The following ABCF3 variants were observed in gnomAD, a reference collection of about 807,000 sequenced individuals.
ABCF3 encodes ATP binding cassette subfamily F member 3.
Under a neutral mutation model 94.3 loss-of-function variants are expected in ABCF3, and 62 were observed. That is an observed-to-expected ratio of 0.66 (90% CI 0.54 to 0.81). ABCF3 has a LOEUF of 0.81. Ranked by LOEUF, ABCF3 falls within the 40% of genes least tolerant of loss-of-function variation. The pLI is 0.00. For missense variants in ABCF3, 843 were observed against 925.3 expected, an observed-to-expected ratio of 0.91 and a Z score of 1.15; for synonymous variants, 355 against 361.1, an observed-to-expected ratio of 0.98 and a Z score of 0.19.
Position 184,188,822 on chromosome 3 carries a change from G to T in ABCF3, c.898G>T (p.Ala300Ser). The change falls in exon 8 of 21, where the codon GCT (alanine) becomes TCT (serine). Residue 300 changes from alanine (A) to serine (S), a missense_variant. Ala to Ser is a moderately conservative substitution (Grantham distance 99, BLOSUM62 1). Transcript: ENST00000429586. The stretch of plus-strand genomic sequence containing the variant: ...CTATGCCAAACTGGAGGAGATTGAG[G>T]CTGACAAGGCACCTGCCAGGTATTT... ...EIYAKLEEIE[A>S]DKAPARASVI... 1.9e-6 allele frequency: 3 copies of T among 1,613,922 alleles called. No homozygotes were observed. Among genetic ancestry groups the T allele is most frequent in the Non-Finnish European group, 1.7e-6 (2 of 1,179,902 alleles).
At chr3:184,190,311 A>C in intron 14 of ABCF3, 1 of 249,304 alleles carries the variant, frequency 4.0e-6, no homozygotes, top group Non-Finnish European at 7.8e-6. Flanking sequence ...TGTTGTGTGG[A>C]TATACAGCAT....
chr3:184,188,697 A>G, intron 7 of ABCF3, 64 bp from the exon 8 acceptor site: 1 of 1,523,032 alleles, frequency 6.6e-7, no homozygotes, highest in Non-Finnish European at 9.1e-7. Context: ...CCAACGGTAT[A>G]GGGTGCAGGA....
intron 14 of ABCF3, 194 bp from the exon 15 acceptor site, chr3:184,190,805 C>T (rs1715970263): frequency 1.6e-6 from 1 of 629,368 alleles, no homozygotes; most frequent in Admixed American, 3.1e-5. Context: ...AATATAGTAA[C>T]TGGGGATAAA....
Position 184,186,219 on chromosome 3 carries a change from C to T in ABCF3, c.12C>T (p.Cys4=), listed in dbSNP as rs1715603537. The part of the protein sequence containing the change: MAT[C]AEILRSEFPE... The stretch of plus-strand genomic sequence containing the variant: ...TTCCTGAGTGGAACATGGCGACTTG[C>T]GCCGAAATCCTGCGGAGCGAGTTCC... Residue 4 remains cysteine (C), a synonymous_variant, in exon 1 of 21, where the codon TGC becomes TGT. Transcript: ENST00000429586. 1 of 1,614,202 alleles carries T rather than the reference C, an allele frequency of 6.2e-7. No individual in the cohort carries two copies. The highest frequency in any genetic ancestry group is 8.5e-7 in the Non-Finnish European group (1 of 1,180,050).
At position 184,187,960 on chromosome 3, in the gene ABCF3, C is replaced by A. The variant is rs550666332; in HGVS notation, c.546C>A (p.Asn182Lys). ...KNKSYDVRIE[N>K]FDVSFGDRVL... ...AATCCTATGATGTGCGAATTGAGAACTTTGATGTGTCTTTTGGCGATAGGT... is the reference window on the plus strand; with the variant it reads ...AATCCTATGATGTGCGAATTGAGAAATTTGATGTGTCTTTTGGCGATAGGT... Residue 182 changes from asparagine (N) to lysine (K), a missense_variant, in exon 6 of 21, where the codon AAC becomes AAA. Transcript: ENST00000429586. 2 of 1,613,994 alleles carry A rather than the reference C, an allele frequency of 1.2e-6. No individual in the cohort carries two copies. Among genetic ancestry groups the A allele is most frequent in the South Asian group, 2.2e-5 (2 of 91,084 alleles).
At chr3:184,188,718 G>C in intron 7 of ABCF3, 43 bp from the exon 8 acceptor site, 1 of 1,596,842 alleles carries the variant, frequency 6.3e-7, no homozygotes, top group South Asian at 1.1e-5. Flanking sequence ...CATCCTCCTA[G>C]ACTGCCCCTG....
Position 184,193,227 on chromosome 3 carries a change from A to G in ABCF3, c.1876A>G (p.Met626Val). Residue 626 changes from methionine (M) to valine (V), a missense_variant, in exon 19 of 21, where the codon ATG (methionine) becomes GTG (valine). Physicochemically the swap from Met to Val is conservative, Grantham distance 21. Transcript: ENST00000429586. This position sits in a 1 kb window ranked among gnomAD's most constrained non-coding sequence, Gnocchi z 5.2. ...KSRVAFAQMT[M>V]PCPNFYILDE... is the part of the protein sequence containing the mutation. ...CCGAGTGGCCTTTGCTCAGATGACT[A>G]TGCCCTGGTGAGGCCTCATTTTCCA... 1.9e-6 allele frequency: 3 copies of G among 1,569,336 alleles called. No homozygotes were observed. The highest frequency in any genetic ancestry group is 2.2e-5 in the East Asian group (1 of 44,616).
intron 1 of ABCF3, 94 bp downstream of exon 1, chr3:184,186,374 C>T: frequency 6.3e-7 from 1 of 1,592,380 alleles, no homozygotes; most frequent in South Asian, 1.1e-5. Context: ...TGCCAGGCCT[C>T]TCCTCTGCAT....
At chr3:184,187,624 C>T (rs1420000936) in intron 4 of ABCF3, 40 bp from the exon 5 acceptor site, 2 of 1,609,852 alleles carry the variant, frequency 1.2e-6, no homozygotes, top group South Asian at 2.2e-5. Flanking sequence ...CCTTTCTGAG[C>T]CTACACCCGA....
chr3:184,189,807 G>C, intron 13 of ABCF3, 48 bp from the exon 14 acceptor site: 1 of 1,614,046 alleles, frequency 6.2e-7, no homozygotes, highest in Non-Finnish European at 8.5e-7. Flanking sequence ...TTCCAGAGTG[G>C]GGGATAGTGG....
intron 3 of ABCF3, 76 bp downstream of exon 3, chr3:184,186,951 T>C: frequency 2.1e-6 from 3 of 1,430,882 alleles, no homozygotes; most frequent in Non-Finnish European, 2.9e-6. Flanking sequence ...GCCTGCAGCT[T>C]AGGGCTCCTA....
intron 4 of ABCF3, 72 bp from the exon 5 acceptor site, chr3:184,187,592 C>A (rs1715720329): frequency 6.3e-7 from 1 of 1,577,692 alleles, no homozygotes; most frequent in East Asian, 2.2e-5. Flanking sequence ...AGGGTTTACT[C>A]GAGATGTTCT....
chr3:184,189,168 G>A, intron 10 of ABCF3, 24 bp downstream of exon 10: 1 of 1,614,208 alleles, frequency 6.2e-7, no homozygotes, highest in Admixed American at 1.7e-5. Flanking sequence ...GCCAGTGTAT[G>A]AAGCCCTATG....
chr3:184,192,468 C>A, intron 16 of ABCF3, 133 bp from the exon 17 acceptor site: 2 of 874,810 alleles, frequency 2.3e-6, no homozygotes, highest in Non-Finnish European at 3.5e-6. Context: ...CCTTATCCTT[C>A]CCAGCCTCTA....
rs1290212826 is a variant in ABCF3, at chr3:184,192,946, T to C, written c.1750+50T>C. ...GAAGAGTTTGAGTAGGGAAGAGGGCTGAGGCTGACCCCGGCAGCTAGGCCT... is the reference window on the plus strand; with the variant it reads ...GAAGAGTTTGAGTAGGGAAGAGGGCCGAGGCTGACCCCGGCAGCTAGGCCT... On this transcript the variant is annotated intron_variant, in intron 18 of 20. Transcript: ENST00000429586. 1.9e-6 allele frequency: 3 copies of C among 1,603,920 alleles called. No individual in the cohort carries two copies. In the Admixed American group the frequency reaches 5.0e-5, roughly 27 times the overall value.
At chr3:184,189,816 G>A (rs779417923) in intron 13 of ABCF3, 39 bp from the exon 14 acceptor site, 3 of 1,613,936 alleles carry the variant, frequency 1.9e-6, no homozygotes, top group Admixed American at 1.7e-5. Flanking sequence ...GGGGGATAGT[G>A]GGGGAATTTG....
Position 184,193,208 on chromosome 3 carries a change from G to A in ABCF3, c.1857G>A (p.Val619=), listed in dbSNP as rs1463634357. The A allele has an allele frequency of 6.4e-7, 1 of 1,562,186 alleles. No homozygotes were observed. The highest frequency in any genetic ancestry group is 1.2e-5 in the South Asian group (1 of 81,518). Residue 619 remains valine, a synonymous_variant, in exon 19 of 21, where the codon GTG becomes GTA. Coordinates refer to ENST00000429586, the MANE Select transcript of ABCF3 (RefSeq NM_018358.3). This position sits in a 1 kb window ranked among gnomAD's most constrained non-coding sequence, Gnocchi z 5.2. The part of the protein sequence containing the change: ...ASLSGGQKSR[V]AFAQMTMPCP... ...TGTCTGGGGGCCAGAAGAGCCGAGT[G>A]GCCTTTGCTCAGATGACTATGCCCT...
rs371271976 is a variant in ABCF3, at chr3:184,187,403, G to A, written c.308G>A (p.Gly103Glu). The change falls in exon 4 of 21, where the codon GGA (glycine) becomes GAA (glutamate). Residue 103 changes from glycine (G) to glutamate (E), a missense_variant. Physicochemically the swap from Gly to Glu is moderately conservative, Grantham distance 98. Transcript: ENST00000429586. ...CTTTTCTTATCGCTTACAGACTGTG[G>A]AACCAAACTTCCAGGACTGCTAAAG... The part of the protein sequence containing the change: ...LSKITENYDC[G>E]TKLPGLLKRE... 5.0e-6 allele frequency: 8 copies of A among 1,613,704 alleles called. No homozygotes were observed. The African/African-American group carries it at 5.3e-5, about 11-fold the overall frequency.
At position 184,189,907 on chromosome 3, in the gene ABCF3, G is replaced by A. The variant is rs766926313; in HGVS notation, c.1367G>A (p.Ser456Asn). 7.4e-6 allele frequency: 12 copies of A among 1,614,106 alleles called. No individual in the cohort carries two copies. The Admixed American group carries it at 1.5e-4, about 20-fold the overall frequency. ...YNANRASQVQ[S>N]KLKMLEKLPE... ...GCCAACAGGGCCTCTCAAGTGCAGAGTAAACTCAAGATGCTGGAGAAGCTG... is the reference window on the plus strand; with the variant it reads ...GCCAACAGGGCCTCTCAAGTGCAGAATAAACTCAAGATGCTGGAGAAGCTG... The change falls in exon 14 of 21, where the codon AGT becomes AAT. Residue 456 changes from serine (S) to asparagine (N), a missense_variant. Ser to Asn is a conservative substitution (Grantham distance 46). Transcript: ENST00000429586.
Sources: allele counts gnomAD v4.1 joint callset, GRCh38; gene constraint gnomAD v4.1.1; non-coding constraint Gnocchi (gnomAD v3.1); transcripts MANE v1.5; gene names NCBI Gene and HGNC (gene_info 2026-07-23, HGNC 2026-07-21).